ALPK1: variants seen among roughly 807,000 people sequenced by gnomAD.
ALPK1 encodes the protein alpha-protein kinase 1.
A neutral mutation model predicts 120.6 loss-of-function variants in ALPK1; 110 were observed. The observed-to-expected ratio is 0.91, with a 90% CI of 0.78 to 1.07. The LOEUF (loss-of-function observed/expected upper bound fraction) is 1.07, where lower values mean the gene tolerates loss of function less well. Among genes scored for constraint, ALPK1 ranks in the 50% least tolerant of loss-of-function variants. ALPK1 has a pLI of 0.00. For synonymous variants in ALPK1, 582 were observed against 560.3 expected, an observed-to-expected ratio of 1.04 and a Z score of -0.55; for missense variants, 1,498 against 1,483.9, an observed-to-expected ratio of 1.01 and a Z score of -0.16.
intron 1 of ALPK1, among the ~76,000 whole-genome samples, chr4:112,311,169 G>A (rs1728386201): frequency 6.6e-6 from 1 of 152,162 alleles, no homozygotes; most frequent in African/African-American, 2.4e-5. Flanking sequence ...TAGATCATAG[G>A]GTGGAGGAAA....
chr4:112,375,141 C>A (rs1731593322), intron 2 of ALPK1, among the ~76,000 whole-genome samples: 1 of 150,782 alleles, frequency 6.6e-6, no homozygotes, highest in Non-Finnish European at 1.5e-5. Context: ...CACTGAAAAT[C>A]TGTTGTTTAG....
At chr4:112,418,211 G>A (rs964152285) in intron 5 of ALPK1, among the ~76,000 whole-genome samples, 2 of 152,206 alleles carry the variant, frequency 1.3e-5, no homozygotes, top group South Asian at 2.1e-4. Context: ...ATGGCTCGCC[G>A]CGTGGCAGAG....
intron 2 of ALPK1, among the ~76,000 whole-genome samples, chr4:112,363,805 T>G (rs1731018793): frequency 6.6e-6 from 1 of 152,152 alleles, no homozygotes; most frequent in African/African-American, 2.4e-5. Flanking sequence ...GGCCATATGA[T>G]AGGCCACAAA....
chr4:112,329,081 C>A (rs1334264770), intron 2 of ALPK1, among the ~76,000 whole-genome samples: 1 of 152,150 alleles, frequency 6.6e-6, no homozygotes, highest in Admixed American at 6.6e-5. Flanking sequence ...CTTTACCCTT[C>A]ACATTGTGAA....
At chr4:112,316,217 CT>C (rs1234040563) in intron 2 of ALPK1, 1 of 152,220 alleles carries the variant, frequency 6.6e-6, no homozygotes, top group African/African-American at 2.4e-5. Flanking sequence ...TCCCCAGCCC[CT>C]GGCAAACACC....
At chr4:112,375,198 TGA>T (rs1731598470) in intron 2 of ALPK1, among the ~76,000 whole-genome samples, 1 of 129,090 alleles carries the variant, frequency 7.7e-6, no homozygotes, top group Non-Finnish European at 1.6e-5. Flanking sequence ...TTTTTTTTTT[TGA>T]GACAGAGACT....
chr4:112,308,917 TG>T (rs1233902722), intron 1 of ALPK1, among the ~76,000 whole-genome samples: 4 of 152,166 alleles, frequency 2.6e-5, no homozygotes, highest in Admixed American at 6.5e-5. Flanking sequence ...GACGTACAGA[TG>T]GGGTTTTGGT....
At chr4:112,434,021 T>C (rs1209612408) in intron 11 of ALPK1, among the ~76,000 whole-genome samples, 1 of 152,148 alleles carries the variant, frequency 6.6e-6, no homozygotes, top group East Asian at 1.9e-4. Context: ...CCGACTAAAA[T>C]ACAAATCACA....
At chr4:112,329,527 G>A (rs1040272974) in intron 2 of ALPK1, among the ~76,000 whole-genome samples, 1 of 152,188 alleles carries the variant, frequency 6.6e-6, no homozygotes, top group African/African-American at 2.4e-5. Flanking sequence ...TTTTGGGGTA[G>A]CTTGTAAAAG....
intron 1 of ALPK1, among the ~76,000 whole-genome samples, chr4:112,303,018 A>G (rs1727859867): frequency 6.6e-6 from 1 of 152,124 alleles, no homozygotes; most frequent in African/African-American, 2.4e-5. Context: ...TATGATACTA[A>G]CACTTTTTCT....
chr4:112,439,217 C>G (rs1734920057), intron 13 of ALPK1, among the ~76,000 whole-genome samples: 1 of 152,196 alleles, frequency 6.6e-6, no homozygotes, highest in Non-Finnish European at 1.5e-5. Context: ...TTAGACCCGT[C>G]TTTTCCTAAT....
intron 6 of ALPK1, among the ~76,000 whole-genome samples, 153 bp downstream of exon 6, chr4:112,424,156 G>T (rs372439668): frequency 6.6e-6 from 1 of 151,474 alleles, no homozygotes; most frequent in Non-Finnish European, 1.5e-5. Context: ...AAGAAGCTTT[G>T]ATCAAGCAGC....
Position 112,348,825 on chromosome 4 carries a change from A to C in ALPK1, c.-100-28853A>C, listed in dbSNP as rs541537279. On this transcript the variant is annotated intron_variant, in intron 2 of 15. Coordinates refer to ENST00000650871, the MANE Select transcript of ALPK1 (RefSeq NM_025144.4). ...ATCCCCAGGCCAGAGGCCCACCCCT[A>C]GGCGCCTTTGACATTTTAAGTATAA... 1.8e-3 allele frequency among the ~76,000 whole-genome samples: 269 copies of C among 152,234 alleles called. 5 individuals are homozygous for C. Among genetic ancestry groups the C allele is most frequent in the Middle Eastern group, 6.8e-3 (2 of 294 alleles).
At chr4:112,429,280 C>T (rs1412189237) in intron 10 of ALPK1, 27 bp downstream of exon 10, 2 of 1,566,240 alleles carry the variant, frequency 1.3e-6, no homozygotes, top group South Asian at 1.1e-5. Flanking sequence ...GCTCCTCAAA[C>T]CCCCACAGGA....
chr4:112,329,865 A>G (rs567772751), intron 2 of ALPK1, among the ~76,000 whole-genome samples: 1 of 152,368 alleles, frequency 6.6e-6, no homozygotes, highest in East Asian at 1.9e-4. Flanking sequence ...TAAGTACTCA[A>G]TAAATACTGG....
intron 2 of ALPK1, among the ~76,000 whole-genome samples, chr4:112,317,107 G>T (rs1474544495): frequency 6.6e-6 from 1 of 152,056 alleles, no homozygotes; most frequent in South Asian, 2.1e-4. Flanking sequence ...TTGTTGTTGA[G>T]TTACAGTTGT....
At chr4:112,371,301 C>T (rs935143519) in intron 2 of ALPK1, among the ~76,000 whole-genome samples, 3 of 152,196 alleles carry the variant, frequency 2.0e-5, no homozygotes, top group Non-Finnish European at 2.9e-5. Flanking sequence ...GCACATCTGA[C>T]CCTGGTCCTC....
intron 5 of ALPK1, among the ~76,000 whole-genome samples, chr4:112,422,776 C>T (rs1255126577): frequency 6.6e-6 from 1 of 152,242 alleles, no homozygotes; most frequent in Non-Finnish European, 1.5e-5. Flanking sequence ...GCATTTGGTA[C>T]TGGCTGCCAG....
At position 112,328,613 on chromosome 4, in the gene ALPK1, G is replaced by A. The variant is rs573661287; in HGVS notation, c.-101+12761G>A. Among the ~76,000 whole-genome samples the A allele has an allele frequency of 1.1e-3, 175 of 152,290 alleles. 1 individual carries two copies. Among genetic ancestry groups the A allele is most frequent in the Admixed American group, 1.9e-3 (29 of 15,304 alleles). ...AGAGACTTCTGGAGTGCCACACTGG[G>A]CATTCAGGACTCCTAAGAAAGCTCT... On this transcript the variant is annotated intron_variant, in intron 2 of 15. Coordinates refer to ENST00000650871, the MANE Select transcript of ALPK1 (RefSeq NM_025144.4).
Sources: gnomAD v4.1 joint callset for allele counts (sites outside exome capture counted in the v4.1 genomes callset) on GRCh38, gnomAD v4.1.1 for gene constraint, MANE v1.5 for transcripts, NCBI Gene and HGNC (gene_info 2026-07-23, HGNC 2026-07-21) for gene names.